ZNF620: variants seen among roughly 807,000 people sequenced by gnomAD.
ZNF620 encodes zinc finger protein 620.
ZNF620 carries 10 observed loss-of-function variants against 13.3 expected under a neutral mutation model. The observed-to-expected ratio is 0.75, with a 90% confidence interval of 0.46 to 1.28. ZNF620 has a LOEUF of 1.28. Ranked by LOEUF, ZNF620 falls within the 50% of genes most tolerant of loss-of-function variation. The pLI, the probability that ZNF620 is intolerant of heterozygous loss-of-function variation, is 0.00. For missense variants in ZNF620, 461 were observed against 500.2 expected, an observed-to-expected ratio of 0.92 and a Z score of 0.75; for synonymous variants, 166 against 177.6, an observed-to-expected ratio of 0.93 and a Z score of 0.52.
chr3:40,511,748 C>T (rs1698207696), intron 3 of ZNF620, 152 bp downstream of exon 3: 1 of 946,366 alleles, frequency 1.1e-6, no homozygotes. Context: ...ATGGCGCAAT[C>T]TCGGCTCACT....
At chr3:40,513,500 G>T (rs534358288) in intron 4 of ZNF620, among the ~76,000 whole-genome samples, 1 of 150,828 alleles carries the variant, frequency 6.6e-6, no homozygotes, top group African/African-American at 2.4e-5. Flanking sequence ...TAGCATGGAC[G>T]TGGTAGCACG....
At chr3:40,513,342 T>G (rs1272824321) in intron 4 of ZNF620, among the ~76,000 whole-genome samples, 1 of 132,204 alleles carries the variant, frequency 7.6e-6, no homozygotes. Context: ...TATATATATA[T>G]ATATATATAT....
In ZNF620 at chr3:40,517,066, A is replaced by G. The variant is rs1698415692; in HGVS notation, c.*203A>G. On this transcript the variant is annotated 3_prime_UTR_variant, in exon 5 of 5. Transcript: ENST00000314529. ...AAAACAAACAAACAAACTTAGAAAC[A>G]TAAAAGGAAATGTAAGTTTCCAGAT... 2.1e-6 allele frequency: 1 copy of G among 479,408 alleles called. No individual in the cohort carries two copies. The highest frequency in any genetic ancestry group is 3.5e-6 in the Non-Finnish European group (1 of 285,290). 29.7% of individuals were successfully genotyped at this position (479,408 alleles called of 1,614,324 possible).
chr3:40,507,857 G>C (rs2125655192), intron 2 of ZNF620, among the ~76,000 whole-genome samples: 1 of 152,020 alleles, frequency 6.6e-6, no homozygotes, highest in Admixed American at 6.5e-5. Context: ...ACCTCAAATT[G>C]GGCTCAAGCA....
chr3:40,506,393 T>TTGCCC lies in ZNF620; in HGVS notation c.24+17_24+18insTGCCC. 5 of 1,555,914 alleles carry TTGCCC rather than the reference T, an allele frequency of 3.2e-6. No individual in the cohort carries two copies. The highest frequency in any genetic ancestry group is 2.3e-5 in the East Asian group (1 of 43,536). On this transcript the variant is annotated intron_variant, in intron 2 of 4. Coordinates refer to ENST00000314529, the MANE Select transcript of ZNF620 (RefSeq NM_175888.4). Reference sequence around the variant, plus strand: ...TGGCGCCAGGTGAGTGAGCATCCTCTCCCTCCCTCCCACCCTTTAGATGTC... The same window carrying TTGCCC: ...TGGCGCCAGGTGAGTGAGCATCCTCTTGCCCCCCTCCCTCCCACCCTTTAGATGTC...
Position 40,516,887 on chromosome 3 carries a change from G to A in ZNF620, c.*24G>A, listed in dbSNP as rs1007452682. The A allele has an allele frequency of 3.9e-6, 6 of 1,548,436 alleles. No individual in the cohort carries two copies. The African/African-American group carries it at 8.3e-5, about 21-fold the overall frequency. On this transcript the variant is annotated 3_prime_UTR_variant, in exon 5 of 5. Coordinates refer to ENST00000314529, the MANE Select transcript of ZNF620 (RefSeq NM_175888.4). ...AGGGCTATCCATAGTTAGGCCCACT[G>A]TGCCTCTCCTTTTTTCTCTTTATTT...
intron 1 of ZNF620, 80 bp downstream of exon 1, chr3:40,506,218 A>G: frequency 1.8e-6 from 2 of 1,141,040 alleles, no homozygotes; most frequent in Non-Finnish European, 2.6e-6. Context: ...GTTGGCGGAA[A>G]GGAGAGGGGC....
chr3:40,511,691 T>C (rs1243858889), intron 3 of ZNF620, 95 bp downstream of exon 3: 1 of 1,509,960 alleles, frequency 6.6e-7, no homozygotes, highest in Non-Finnish European at 8.9e-7. Context: ...TTTTTTTCTT[T>C]TTTTTTTGAG....
At position 40,516,568 on chromosome 3, in the gene ZNF620, T is replaced by C. The variant is rs867623611; in HGVS notation, c.974T>C (p.Val325Ala). The change falls in exon 5 of 5, where the codon GTC becomes GCC. Residue 325 changes from valine (V) to alanine (A), a missense_variant. Physicochemically the swap from Val to Ala is moderately conservative, Grantham distance 64. Coordinates refer to ENST00000314529, the MANE Select transcript of ZNF620 (RefSeq NM_175888.4). ...KTFSCSSSFT[V>A]HQRMHTGEKP... ...TTCAGTTGCAGCTCAAGTTTCACTG[T>C]CCATCAGCGAATGCACACTGGGGAG... 4 of 1,614,030 alleles carry C rather than the reference T, an allele frequency of 2.5e-6. No individual in the cohort carries two copies. Among genetic ancestry groups the C allele is most frequent in the Non-Finnish European group, 3.4e-6 (4 of 1,180,016 alleles).
At chr3:40,513,577 C>T (rs185677588) in intron 4 of ZNF620, among the ~76,000 whole-genome samples, 4 of 150,948 alleles carry the variant, frequency 2.6e-5, no homozygotes, top group East Asian at 1.9e-4. Context: ...GAGTGGAGGT[C>T]GTAGTGAGCT....
At chr3:40,512,060 C>G (rs1055739463) in intron 3 of ZNF620, among the ~76,000 whole-genome samples, 3 of 152,186 alleles carry the variant, frequency 2.0e-5, no homozygotes, top group Non-Finnish European at 4.4e-5. Flanking sequence ...GTGGAGAGAG[C>G]CCTGCGTTCC....
In ZNF620 at chr3:40,516,875, G is replaced by T. The variant is rs1559553320; in HGVS notation, c.*12G>T. 1.3e-6 allele frequency: 2 copies of T among 1,572,142 alleles called. No homozygotes were observed. Among genetic ancestry groups the T allele is most frequent in the Non-Finnish European group, 1.7e-6 (2 of 1,157,810 alleles). The stretch of plus-strand genomic sequence containing the variant: ...CTGTCCAAGCATAGGGCTATCCATA[G>T]TTAGGCCCACTGTGCCTCTCCTTTT... On this transcript the variant is annotated 3_prime_UTR_variant, in exon 5 of 5. Transcript: ENST00000314529.
rs1170978289 is a variant in ZNF620, at chr3:40,516,413, C to A, written c.819C>A (p.Ile273=). 4.3e-6 allele frequency: 7 copies of A among 1,614,008 alleles called. No homozygotes were observed. The Admixed American group carries it at 1.2e-4, about 27-fold the overall frequency. The part of the protein sequence containing the change: ...SDTALIQHQR[I]HTGEKPYECK... ...CAGCCTTGATTCAGCATCAGAGAAT[C>A]CACACTGGAGAAAAGCCCTATGAAT... is the stretch of plus-strand genomic sequence containing the variant. The change falls in exon 5 of 5, where the codon ATC becomes ATA. Residue 273 remains isoleucine, a synonymous_variant. Coordinates refer to ENST00000314529, the MANE Select transcript of ZNF620 (RefSeq NM_175888.4).
intron 4 of ZNF620, among the ~76,000 whole-genome samples, chr3:40,513,385 C>T (rs1393212639): frequency 7.3e-6 from 1 of 137,374 alleles, no homozygotes; most frequent in Non-Finnish European, 1.5e-5. Flanking sequence ...GCCTGTAATC[C>T]CAGCACTTTG....
chr3:40,510,771 C>T lies in ZNF620; in HGVS notation c.25-699C>T, dbSNP rs561135680. On this transcript the variant is annotated intron_variant, in intron 2 of 4. Transcript: ENST00000314529. ...TTCTCTCTCTCTCTTTTTTTTGAGA[C>T]AGGGTCTCACTCTGTCACCCAGGCT... Among the ~76,000 whole-genome samples the T allele has an allele frequency of 9.5e-4, 145 of 151,874 alleles. 1 individual carries two copies. The highest frequency in any genetic ancestry group is 3.5e-3 in the African/African-American group (143 of 41,438).
intron 3 of ZNF620, 51 bp from the exon 4 acceptor site, chr3:40,512,351 T>C (rs1559550288): frequency 6.7e-7 from 1 of 1,500,428 alleles, no homozygotes; most frequent in South Asian, 1.1e-5. Context: ...TGCAAGAGGA[T>C]CCTGGTTCCT....
At position 40,516,556 on chromosome 3, in the gene ZNF620, C is replaced by CA. The variant is rs779891817; in HGVS notation, c.964dup (p.Ser322LysfsTer16). On this transcript the variant is annotated frameshift_variant, in exon 5 of 5. Transcript: ENST00000314529. LOFTEE classifies it low-confidence loss of function (END_TRUNC). The stretch of plus-strand genomic sequence containing the variant: ...TGTTGGAAAACTTTCAGTTGCAGCT[C>CA]AAGTTTCACTGTCCATCAGCGAATG... The CA allele has an allele frequency of 2.0e-5, 32 of 1,614,024 alleles. No individual in the cohort carries two copies. The highest frequency in any genetic ancestry group is 2.6e-5 in the Non-Finnish European group (31 of 1,180,048).
In ZNF620 at chr3:40,511,544, G is replaced by GGCC; in HGVS notation, c.100_102dup (p.Ala34dup). The GGCC allele has an allele frequency of 6.2e-7, 1 of 1,613,776 alleles. No homozygotes were observed. The highest frequency in any genetic ancestry group is 8.5e-7 in the Non-Finnish European group (1 of 1,179,838). ...GGGCCAGCCTGGACTCTGTGCAGAG[G>GGCC]GCCCTGTACAGGGAAGTGATGCTGG... On this transcript the variant is annotated inframe_insertion, in exon 3 of 5. Coordinates refer to ENST00000314529, the MANE Select transcript of ZNF620 (RefSeq NM_175888.4).
At chr3:40,513,346 T>G in intron 4 of ZNF620, among the ~76,000 whole-genome samples, 1 of 119,500 alleles carries the variant, frequency 8.4e-6, no homozygotes. Flanking sequence ...TATATATATA[T>G]ATATATATGG....
Sources: allele counts gnomAD v4.1 joint callset (sites outside exome capture counted in the v4.1 genomes callset), GRCh38; gene constraint gnomAD v4.1.1; transcripts MANE v1.5; gene names NCBI Gene and HGNC (gene_info 2026-07-23, HGNC 2026-07-21).